Variants in SSPN observed in about 807,000 individuals in gnomAD.
The protein encoded by SSPN is K-ras oncogene-associated protein.
SSPN carries 15 observed loss-of-function variants against 19.1 expected under a neutral mutation model. That is an observed-to-expected ratio of 0.78 (90% CI 0.52 to 1.21). The LOEUF is 1.21. Among genes scored for constraint, SSPN ranks in the 50% most tolerant of loss-of-function variants. The pLI, the probability that SSPN is intolerant of heterozygous loss-of-function variation, is 0.00. For missense variants in SSPN, 291 were observed against 314.0 expected, an observed-to-expected ratio of 0.93 and a Z score of 0.55; for synonymous variants, 147 against 140.3, an observed-to-expected ratio of 1.05 and a Z score of -0.34.
At chr12:26,224,071 A>G (rs41529345) in intron 1 of SSPN, among the ~76,000 whole-genome samples, 1,743 of 152,324 alleles carry the variant, frequency 0.011, 27 homozygotes, top group African/African-American at 0.04. Flanking sequence ...CTGGCATATC[A>G]AAAGAACTTA....
chr12:26,234,020 C>G lies in SSPN; in HGVS notation c.*2944C>G, dbSNP rs1356910101. 1 of 152,182 alleles carries G rather than the reference C, an allele frequency of 6.6e-6. No individual in the cohort carries two copies. The highest frequency in any genetic ancestry group is 2.4e-5 in the African/African-American group (1 of 41,428). 9.4% of individuals were successfully genotyped at this position (152,182 alleles called of 1,614,324 possible). A position where few individuals can be genotyped will look rare whatever the true frequency, so the allele number is the denominator to read the frequency against. ...AACTGTAGTCAAGTAACAGGCCTCA[C>G]TGTTTTTTTTCTTTGGATTAAAAGT... On this transcript the variant is annotated 3_prime_UTR_variant, in exon 3 of 3. Coordinates refer to ENST00000242729, the MANE Select transcript of SSPN (RefSeq NM_005086.5).
At chr12:26,171,757 T>C (rs1009210578) in intron 1 of SSPN, among the ~76,000 whole-genome samples, 2 of 152,192 alleles carry the variant, frequency 1.3e-5, no homozygotes, top group African/African-American at 4.8e-5. Flanking sequence ...TAAGTATCAA[T>C]AGATATAATT....
intron 1 of SSPN, among the ~76,000 whole-genome samples, chr12:26,202,910 T>C (rs527375974): frequency 1.2e-4 from 19 of 152,136 alleles, no homozygotes; most frequent in African/African-American, 4.6e-4. Context: ...AGAAAGGAGG[T>C]TTAATTGACT....
intron 2 of SSPN, among the ~76,000 whole-genome samples, chr12:26,230,479 G>T (rs1296854879): frequency 6.6e-6 from 1 of 152,118 alleles, no homozygotes; most frequent in South Asian, 2.1e-4. Context: ...CTTGAAAAGG[G>T]CCCAACATCT....
At chr12:26,178,660 G>T (rs1077585) in intron 1 of SSPN, among the ~76,000 whole-genome samples, 1 of 152,086 alleles carries the variant, frequency 6.6e-6, no homozygotes, top group Non-Finnish European at 1.5e-5. Context: ...GAGTGGGTCT[G>T]GCTTAGGTGC....
chr12:26,123,302 G>C, intron 1 of SSPN: 1 of 1,242,960 alleles, frequency 8.0e-7, no homozygotes, highest in Admixed American at 2.9e-5. Flanking sequence ...CAGTATTCAA[G>C]TGATATAATC....
intron 1 of SSPN, among the ~76,000 whole-genome samples, chr12:26,166,379 T>C (rs1427035163): frequency 6.6e-6 from 1 of 152,210 alleles, no homozygotes; most frequent in Non-Finnish European, 1.5e-5. Flanking sequence ...ACTATATAAA[T>C]GCCTGAACTC....
intron 1 of SSPN, among the ~76,000 whole-genome samples, chr12:26,203,352 T>C (rs922968070): frequency 1.3e-5 from 2 of 152,234 alleles, no homozygotes; most frequent in African/African-American, 4.8e-5. Flanking sequence ...TGGGACCTCA[T>C]GATGTCATAG....
chr12:26,122,222 C>A, intron 1 of SSPN: 1 of 1,302,008 alleles, frequency 7.7e-7, no homozygotes, highest in Non-Finnish European at 9.7e-7. Flanking sequence ...GCAGGAGGGT[C>A]GCGGCGGCGG....
At chr12:26,122,312 G>T in intron 1 of SSPN, 1 of 1,169,850 alleles carries the variant, frequency 8.5e-7, no homozygotes, top group Non-Finnish European at 1.1e-6. Flanking sequence ...CGGCGGCGGC[G>T]GCTGCCGCGG....
At chr12:26,163,765 T>G (rs1052606028) in intron 1 of SSPN, among the ~76,000 whole-genome samples, 2 of 152,222 alleles carry the variant, frequency 1.3e-5, no homozygotes, top group African/African-American at 4.8e-5. Flanking sequence ...TTGGAAGAGA[T>G]AAAGACATTC....
At chr12:26,204,178 C>G (rs571671673) in intron 1 of SSPN, among the ~76,000 whole-genome samples, 2 of 152,124 alleles carry the variant, frequency 1.3e-5, no homozygotes, top group African/African-American at 2.4e-5. Flanking sequence ...TTTCTTGGAA[C>G]AGCTAGAAGT....
intron 1 of SSPN, among the ~76,000 whole-genome samples, chr12:26,171,082 T>C (rs1944650984): frequency 6.6e-6 from 1 of 152,204 alleles, no homozygotes; most frequent in South Asian, 2.1e-4. Context: ...TTAACAGGGT[T>C]CTTTGCCTCC....
intron 1 of SSPN, among the ~76,000 whole-genome samples, chr12:26,184,918 G>T (rs529742486): frequency 2.0e-4 from 31 of 152,202 alleles, no homozygotes; most frequent in Middle Eastern, 6.8e-3. Context: ...ACATCTCAGT[G>T]AGTTTTTTTC....
intron 1 of SSPN, among the ~76,000 whole-genome samples, chr12:26,201,164 C>T (rs1439938592): frequency 6.6e-6 from 1 of 150,428 alleles, no homozygotes. Flanking sequence ...ATTGCATGAG[C>T]TCAGGATTTT....
intron 1 of SSPN, among the ~76,000 whole-genome samples, chr12:26,188,489 A>G (rs1565681756): frequency 6.6e-6 from 1 of 152,256 alleles, no homozygotes; most frequent in Non-Finnish European, 1.5e-5. Flanking sequence ...TGAAAATCTT[A>G]TAGTTTATGT....
At chr12:26,209,946 A>G (rs117964391) in intron 1 of SSPN, among the ~76,000 whole-genome samples, 1 of 152,132 alleles carries the variant, frequency 6.6e-6, no homozygotes, top group East Asian at 1.9e-4. Context: ...ATAACTTGAT[A>G]TAGCCTATTT....
chr12:26,157,240 A>G (rs542044660), intron 1 of SSPN, among the ~76,000 whole-genome samples: 1 of 152,348 alleles, frequency 6.6e-6, no homozygotes, highest in East Asian at 1.9e-4. Context: ...TGCTGACTTC[A>G]CTAAGTGATT....
chr12:26,165,888 G>A (rs57252419), intron 1 of SSPN, among the ~76,000 whole-genome samples: 34,295 of 152,144 alleles, frequency 0.23, 4,064 homozygotes, highest in East Asian at 0.35. Flanking sequence ...AAGGACTAAG[G>A]TTAGATGAAG....
Sources: gnomAD v4.1 joint callset for allele counts (sites outside exome capture counted in the v4.1 genomes callset) on GRCh38, gnomAD v4.1.1 for gene constraint, MANE v1.5 for transcripts, NCBI Gene and HGNC (gene_info 2026-07-23, HGNC 2026-07-21) for gene names.